Variants in SPMIP2 observed in about 807,000 individuals in gnomAD.
SPMIP2 encodes sperm microtubule inner protein 2, also known as protein SPMIP2.
At chr4:159,045,562 T>TA in the SPMIP2 span, among the ~76,000 whole-genome samples, 1 of 151,714 alleles carries the variant, frequency 6.6e-6, no homozygotes, top group East Asian at 1.9e-4. Flanking sequence ...ACAAAAGAAG[T>TA]AAAAGGAATG....
chr4:158,902,509 C>T, the SPMIP2 span, among the ~76,000 whole-genome samples: 1 of 152,226 alleles, frequency 6.6e-6, no homozygotes, highest in African/African-American at 2.4e-5. Flanking sequence ...AGAGCTCAAA[C>T]GCTGTGTGGG....
chr4:158,978,120 C>T, the SPMIP2 span, among the ~76,000 whole-genome samples: 1 of 152,174 alleles, frequency 6.6e-6, no homozygotes, highest in Non-Finnish European at 1.5e-5. Flanking sequence ...GAAGTTGTGT[C>T]TTTGTTTTCA....
the SPMIP2 span, among the ~76,000 whole-genome samples, chr4:158,987,439 A>G: frequency 6.6e-5 from 10 of 152,182 alleles, no homozygotes; most frequent in Admixed American, 2.0e-4. Flanking sequence ...ACACCATGGA[A>G]TACTATGCAG....
the SPMIP2 span, among the ~76,000 whole-genome samples, chr4:159,016,075 T>A: frequency 6.6e-6 from 1 of 152,184 alleles, no homozygotes; most frequent in South Asian, 2.1e-4. Flanking sequence ...ACTGATGACG[T>A]CAACACACAA....
the SPMIP2 span, among the ~76,000 whole-genome samples, chr4:158,939,700 G>A: frequency 1.3e-5 from 2 of 151,962 alleles, no homozygotes; most frequent in African/African-American, 4.8e-5. Flanking sequence ...AACTGGGGCC[G>A]GGTGTGGTGG....
the SPMIP2 span, among the ~76,000 whole-genome samples, chr4:158,958,201 T>G: frequency 1.8e-4 from 27 of 152,090 alleles, no homozygotes; most frequent in Non-Finnish European, 3.4e-4. Flanking sequence ...GGGGATTCTA[T>G]GTTGCCCAGG....
the SPMIP2 span, among the ~76,000 whole-genome samples, chr4:159,055,422 G>C: frequency 1.3e-5 from 2 of 152,156 alleles, no homozygotes; most frequent in Non-Finnish European, 2.9e-5. Context: ...TGAAAAACAG[G>C]CCGGGTGCAG....
the SPMIP2 span, among the ~76,000 whole-genome samples, chr4:158,980,849 G>A: frequency 1.8e-4 from 27 of 152,186 alleles, no homozygotes; most frequent in Non-Finnish European, 2.1e-4. Context: ...AAAACTGGAC[G>A]GAGAATGAGT....
the SPMIP2 span, among the ~76,000 whole-genome samples, chr4:158,925,335 T>C: frequency 6.6e-6 from 1 of 152,244 alleles, no homozygotes; most frequent in Non-Finnish European, 1.5e-5. Context: ...TTGTTCGCAG[T>C]ACTCCCTTAT....
At chr4:159,010,142 C>T in the SPMIP2 span, among the ~76,000 whole-genome samples, 1 of 152,148 alleles carries the variant, frequency 6.6e-6, no homozygotes, top group Non-Finnish European at 1.5e-5. Context: ...CTTTGTATGG[C>T]TGGTTGGTTG....
chr4:158,979,812 TTTC>T, the SPMIP2 span, among the ~76,000 whole-genome samples: 110 of 145,886 alleles, frequency 7.5e-4, no homozygotes, highest in African/African-American at 2.7e-3. Flanking sequence ...TTTTTTTTTT[TTTC>T]ATACCCCAGT....
At chr4:159,015,210 A>C in the SPMIP2 span, among the ~76,000 whole-genome samples, 1 of 152,224 alleles carries the variant, frequency 6.6e-6, no homozygotes, top group Non-Finnish European at 1.5e-5. Context: ...AATGCAAGGA[A>C]TGCCTGTGTC....
chr4:159,074,739 T>C, the SPMIP2 span, among the ~76,000 whole-genome samples: 1 of 152,132 alleles, frequency 6.6e-6, no homozygotes, highest in African/African-American at 2.4e-5. Flanking sequence ...GGATATTGAA[T>C]CTGGGAGGCA....
the SPMIP2 span, among the ~76,000 whole-genome samples, chr4:159,056,498 C>G: frequency 1.3e-5 from 2 of 152,200 alleles, no homozygotes; most frequent in Admixed American, 1.3e-4. Context: ...CAACAATAAA[C>G]AGTTGCTTAT....
chr4:159,067,733 T>C, the SPMIP2 span, among the ~76,000 whole-genome samples: 2 of 151,966 alleles, frequency 1.3e-5, no homozygotes, highest in South Asian at 2.1e-4. Context: ...ACCTACAGAA[T>C]GGGAGAAAAT....
chr4:158,943,392 C>T, the SPMIP2 span, among the ~76,000 whole-genome samples: 1 of 152,206 alleles, frequency 6.6e-6, no homozygotes. Context: ...GATACAAACA[C>T]CTGGCCTCTA....
chr4:158,985,557 G>T, the SPMIP2 span, among the ~76,000 whole-genome samples: 8 of 152,330 alleles, frequency 5.3e-5, no homozygotes, highest in Admixed American at 3.3e-4. Flanking sequence ...AATAGATGCA[G>T]AAAAGGCCTT....
the SPMIP2 span, among the ~76,000 whole-genome samples, chr4:159,037,651 G>A: frequency 9.0e-3 from 1,362 of 151,768 alleles, 15 homozygotes; most frequent in African/African-American, 0.031. Flanking sequence ...TGTGTCTATG[G>A]TCCCAGCTAC....
the SPMIP2 span, among the ~76,000 whole-genome samples, chr4:159,016,752 G>A: frequency 6.6e-6 from 1 of 152,210 alleles, no homozygotes; most frequent in African/African-American, 2.4e-5. Flanking sequence ...GCCCCCCACA[G>A]GGAGACACTA....
Sources: allele counts gnomAD v4.1 joint callset (sites outside exome capture counted in the v4.1 genomes callset), GRCh38; gene constraint gnomAD v4.1.1; transcripts MANE v1.5; gene names NCBI Gene and HGNC (gene_info 2026-07-23, HGNC 2026-07-21).